The following TENM4 variants were observed in gnomAD, a reference collection of about 807,000 sequenced individuals.
TENM4 encodes teneurin transmembrane protein 4, also known as teneurin-4.
A neutral mutation model predicts 243.3 loss-of-function variants in TENM4; 82 were observed. The ratio of observed to expected loss-of-function variants is 0.34; its 90% CI spans 0.28 to 0.40. The LOEUF is 0.40. Ranked by LOEUF, TENM4 falls within the 10% of genes least tolerant of loss-of-function variation. TENM4 has a pLI of 1.00. For missense variants in TENM4, 3,138 were observed against 3,673.3 expected, an observed-to-expected ratio of 0.85 and a Z score of 3.77; for synonymous variants, 1,412 against 1,456.3, an observed-to-expected ratio of 0.97 and a Z score of 0.69.
intron 3 of TENM4, among the ~76,000 whole-genome samples, chr11:79,195,129 A>T (rs1322119526): frequency 2.0e-5 from 3 of 152,352 alleles, no homozygotes; most frequent in East Asian, 3.9e-4. Flanking sequence ...CACAGAGTCA[A>T]TAATTGAGGT....
chr11:78,796,057 T>C (rs1857154091), intron 15 of TENM4, among the ~76,000 whole-genome samples: 1 of 152,054 alleles, frequency 6.6e-6, no homozygotes, highest in African/African-American at 2.4e-5. Flanking sequence ...CACACGGCCT[T>C]TCACCTCATT....
intron 18 of TENM4, among the ~76,000 whole-genome samples, chr11:78,770,254 A>C (rs1041233655): frequency 2.0e-5 from 3 of 152,242 alleles, no homozygotes; most frequent in African/African-American, 7.2e-5. Flanking sequence ...CAGAAAAATG[A>C]AGGCTAATTC....
intron 2 of TENM4, among the ~76,000 whole-genome samples, chr11:79,244,752 C>T (rs989964390): frequency 6.6e-6 from 1 of 152,218 alleles, no homozygotes; most frequent in Admixed American, 6.5e-5. Context: ...TTTCACAAGC[C>T]TGTATCCACA....
chr11:79,369,234 G>A (rs990383873), intron 1 of TENM4, among the ~76,000 whole-genome samples: 4 of 152,086 alleles, frequency 2.6e-5, no homozygotes, highest in Admixed American at 6.5e-5. Flanking sequence ...AGAGGTTTCC[G>A]AGAGATGCTT....
intron 6 of TENM4, among the ~76,000 whole-genome samples, chr11:78,935,723 C>T (rs927780340): frequency 1.3e-5 from 2 of 152,152 alleles, no homozygotes; most frequent in African/African-American, 4.8e-5. Context: ...ACAATTATAC[C>T]AAGACATGCA....
chr11:79,260,623 T>C (rs2135323590), intron 2 of TENM4, among the ~76,000 whole-genome samples: 1 of 152,296 alleles, frequency 6.6e-6, no homozygotes, highest in African/African-American at 2.4e-5. Context: ...TGTTGCCCAG[T>C]ATGCGGTAGA....
chr11:78,844,061 T>A (rs1858326214), intron 12 of TENM4, among the ~76,000 whole-genome samples: 1 of 152,224 alleles, frequency 6.6e-6, no homozygotes, highest in African/African-American at 2.4e-5. Flanking sequence ...ATTCGAAGAC[T>A]CGGCTTTATG....
intron 3 of TENM4, among the ~76,000 whole-genome samples, chr11:79,184,063 A>T (rs189368418): frequency 1.3e-3 from 193 of 152,362 alleles, no homozygotes; most frequent in African/African-American, 4.3e-3. Context: ...ATCTATGTTC[A>T]CAGGAGCATT....
intron 1 of TENM4, among the ~76,000 whole-genome samples, chr11:79,300,905 C>T (rs1856539733): frequency 6.6e-6 from 1 of 152,176 alleles, no homozygotes; most frequent in Non-Finnish European, 1.5e-5. Flanking sequence ...CTGTTTCCTA[C>T]CAGAAATCTG....
At position 79,405,614 on chromosome 11, in the gene TENM4, C is replaced by T. The variant is rs538337754; in HGVS notation, c.-321+34895G>A. Among the ~76,000 whole-genome samples the T allele has an allele frequency of 1.6e-4, 25 of 152,038 alleles. No individual in the cohort carries two copies. The South Asian group carries it at 5.2e-3, about 32-fold the overall frequency. On this transcript the variant is annotated intron_variant, in intron 1 of 33. Transcript: ENST00000278550. ...CATAGTTGAAATAAAGCTATAGATG[C>T]AATTTTGTCTACTATTCCCCCCACC...
chr11:79,290,587 T>A (rs1856339613), intron 2 of TENM4, among the ~76,000 whole-genome samples: 1 of 151,678 alleles, frequency 6.6e-6, no homozygotes, highest in Non-Finnish European at 1.5e-5. Context: ...TTTGTACCAC[T>A]GCAGTATCCA....
chr11:78,999,537 C>CA (rs1164584608), intron 6 of TENM4, among the ~76,000 whole-genome samples: 2 of 151,760 alleles, frequency 1.3e-5, no homozygotes, highest in Admixed American at 1.3e-4. Context: ...CAAAACAAAA[C>CA]AAAAAAACCA....
intron 16 of TENM4, among the ~76,000 whole-genome samples, chr11:78,786,679 T>C (rs568386328): frequency 4.6e-5 from 7 of 152,292 alleles, no homozygotes; most frequent in Admixed American, 1.3e-4. Context: ...AACCAGGACA[T>C]GGGAAATGGA....
intron 2 of TENM4, among the ~76,000 whole-genome samples, chr11:79,269,396 C>G (rs2135341905): frequency 6.6e-6 from 1 of 152,184 alleles, no homozygotes; most frequent in East Asian, 1.9e-4. Context: ...TTTCTTTTTC[C>G]CATGGCTTCC....
At chr11:78,783,392 C>T (rs7117284) in intron 16 of TENM4, among the ~76,000 whole-genome samples, 4,119 of 152,218 alleles carry the variant, frequency 0.027, 204 homozygotes, top group African/African-American at 0.094. Context: ...AGTATTAGTG[C>T]CATGTAAGTA....
intron 9 of TENM4, among the ~76,000 whole-genome samples, chr11:78,889,006 A>G (rs1436855875): frequency 6.6e-6 from 1 of 152,224 alleles, no homozygotes; most frequent in Non-Finnish European, 1.5e-5. Context: ...AAAAGACCAA[A>G]GCAAGGGGTC....
In TENM4 at chr11:79,328,167, C is replaced by T. The variant is rs75925738; in HGVS notation, c.-320-30624G>A. ...TGAAGGAAGAGAATGAACATTTAGG[C>T]TCAGTATTTTGCATAGACAATCACC... On this transcript the variant is annotated intron_variant, in intron 1 of 33. Coordinates refer to ENST00000278550, the MANE Select transcript of TENM4 (RefSeq NM_001098816.3). Among the ~76,000 whole-genome samples, 527 of 152,290 alleles carry T rather than the reference C, an allele frequency of 3.5e-3. 2 individuals carry two copies. Among genetic ancestry groups the T allele is most frequent in the African/African-American group, 0.012 (496 of 41,554 alleles).
intron 6 of TENM4, among the ~76,000 whole-genome samples, chr11:79,039,413 C>T (rs571664936): frequency 2.6e-5 from 4 of 152,312 alleles, no homozygotes; most frequent in African/African-American, 9.6e-5. Flanking sequence ...TTTCAGGAAG[C>T]TGTGAGACGC....
rs1457284184 is a variant in TENM4 at position 79,086,524 on chromosome 11, TA to T, written c.-65-16516del. On this transcript the variant is annotated intron_variant, in intron 4 of 33. Transcript: ENST00000278550. ...GGGAGGAAACTGAGGATCAGATCATTAAGGTATTTTAAAAATAAGAGGAACT... is the reference window on the plus strand; with the variant it reads ...GGGAGGAAACTGAGGATCAGATCATTAGGTATTTTAAAAATAAGAGGAACT... 5.9e-5 allele frequency among the ~76,000 whole-genome samples: 9 copies of T among 152,284 alleles called. No homozygotes were observed. In the East Asian group the frequency reaches 1.7e-3, roughly 29 times the overall value.
Sources: gnomAD v4.1 joint callset for allele counts (sites outside exome capture counted in the v4.1 genomes callset) on GRCh38, gnomAD v4.1.1 for gene constraint, MANE v1.5 for transcripts, NCBI Gene and HGNC (gene_info 2026-07-23, HGNC 2026-07-21) for gene names.